STPG2: variants seen among roughly 807,000 people sequenced by gnomAD.
STPG2 encodes sperm-tail PG-rich repeat-containing protein 2.
In STPG2, 56 loss-of-function variants were observed where a neutral mutation model predicts 54.2. That is an observed-to-expected ratio of 1.03 (90% confidence interval 0.83 to 1.29). The LOEUF is 1.29. STPG2 is among the 50% of genes most tolerant of loss of function. STPG2 has a pLI of 0.00. For synonymous variants in STPG2, 200 were observed against 181.8 expected, an observed-to-expected ratio of 1.10 and a Z score of -0.81; for missense variants, 596 against 544.9, an observed-to-expected ratio of 1.09 and a Z score of -0.93.
chr4:97,830,937 C>A (rs1015206995), intron 9 of STPG2, among the ~76,000 whole-genome samples: 4 of 152,080 alleles, frequency 2.6e-5, no homozygotes, highest in African/African-American at 9.7e-5. Flanking sequence ...GACTTTAACA[C>A]CCCACTGTCA....
chr4:97,617,146 G>GTA (rs1733895194), intron 10 of STPG2, among the ~76,000 whole-genome samples: 1 of 151,848 alleles, frequency 6.6e-6, no homozygotes, highest in Non-Finnish European at 1.5e-5. Flanking sequence ...GTGTGTGTGT[G>GTA]TGTATGTAAA....
At chr4:97,939,538 C>A (rs572483861) in intron 8 of STPG2, among the ~76,000 whole-genome samples, 1 of 152,272 alleles carries the variant, frequency 6.6e-6, no homozygotes, top group East Asian at 1.9e-4. Context: ...GAATTGAAAC[C>A]TTTACCATTA....
intron 5 of STPG2, among the ~76,000 whole-genome samples, chr4:97,988,977 G>GA (rs1233180937): frequency 6.6e-5 from 10 of 151,600 alleles, no homozygotes; most frequent in East Asian, 5.8e-4. Flanking sequence ...ATAATAATTT[G>GA]AAAAAAAATT....
At chr4:97,538,985 C>G (rs1240807779) in intron 4 of STPG2, among the ~76,000 whole-genome samples, 1 of 152,134 alleles carries the variant, frequency 6.6e-6, no homozygotes, top group Non-Finnish European at 1.5e-5. Flanking sequence ...TACAGATAAG[C>G]AAATGCTGAG....
At chr4:97,951,045 CAACT>C (rs1033441403) in intron 7 of STPG2, among the ~76,000 whole-genome samples, 7 of 152,146 alleles carry the variant, frequency 4.6e-5, no homozygotes, top group African/African-American at 1.7e-4. Flanking sequence ...CCATCCAGAT[CAACT>C]AACTGGTTTA....
intron 10 of STPG2, among the ~76,000 whole-genome samples, chr4:97,678,768 C>T (rs865891700): frequency 6.7e-6 from 1 of 150,318 alleles, no homozygotes; most frequent in Middle Eastern, 3.4e-3. Flanking sequence ...AATGCTATCC[C>T]TCCACCCTCC....
chr4:97,505,884 G>C (rs1189860763), intron 4 of STPG2, among the ~76,000 whole-genome samples: 1 of 151,368 alleles, frequency 6.6e-6, no homozygotes, highest in Non-Finnish European at 1.5e-5. Context: ...TGGATATTTA[G>C]TTGTACAATG....
At chr4:97,496,925 T>C (rs1161087022) in intron 4 of STPG2, among the ~76,000 whole-genome samples, 1 of 151,468 alleles carries the variant, frequency 6.6e-6, no homozygotes, top group Non-Finnish European at 1.5e-5. Flanking sequence ...AAAGAGAAAA[T>C]AATATCCATA....
chr4:98,114,701 T>G (rs1350949877), intron 3 of STPG2, among the ~76,000 whole-genome samples: 1 of 137,720 alleles, frequency 7.3e-6, no homozygotes, highest in Non-Finnish European at 1.6e-5. Flanking sequence ...GGAAAGATTA[T>G]GTATGTGTAC....
intron 8 of STPG2, among the ~76,000 whole-genome samples, chr4:97,924,988 G>C (rs1328320377): frequency 2.0e-5 from 3 of 152,140 alleles, no homozygotes; most frequent in African/African-American, 7.2e-5. Flanking sequence ...ATTTGTTGTT[G>C]TTCATTCTAA....
At chr4:97,559,590 A>C (rs1229027845) in intron 10 of STPG2, among the ~76,000 whole-genome samples, 4 of 152,190 alleles carry the variant, frequency 2.6e-5, no homozygotes, top group Non-Finnish European at 5.9e-5. Context: ...AGCTTCAATT[A>C]ATTTCCAGGC....
At chr4:97,525,866 A>G (rs537042083) in intron 4 of STPG2, among the ~76,000 whole-genome samples, 1 of 152,164 alleles carries the variant, frequency 6.6e-6, no homozygotes, top group East Asian at 1.9e-4. Context: ...TGTTGGCTGC[A>G]TAAATGTCTT....
intron 4 of STPG2, among the ~76,000 whole-genome samples, chr4:97,485,030 C>T (rs1160472684): frequency 6.6e-6 from 1 of 151,576 alleles, no homozygotes; most frequent in African/African-American, 2.4e-5. Flanking sequence ...AAACTCTCAG[C>T]AAAATCAGCA....
chr4:97,474,114 T>G (rs1359723855), intron 4 of STPG2, among the ~76,000 whole-genome samples: 2 of 152,070 alleles, frequency 1.3e-5, no homozygotes, highest in African/African-American at 2.4e-5. Context: ...TCAATGTAGG[T>G]TTATTGATTA....
intron 9 of STPG2, among the ~76,000 whole-genome samples, chr4:97,749,748 G>T (rs547573636): frequency 2.4e-4 from 36 of 151,832 alleles, no homozygotes; most frequent in African/African-American, 8.2e-4. Flanking sequence ...AAACATAAGA[G>T]ACTATTTTGT....
chr4:98,092,003 A>G (rs1738708778), intron 5 of STPG2, among the ~76,000 whole-genome samples: 1 of 152,038 alleles, frequency 6.6e-6, no homozygotes, highest in South Asian at 2.1e-4. Context: ...TACACATCTT[A>G]AAATTTTACC....
chr4:97,921,394 G>A (rs956391644), intron 8 of STPG2, among the ~76,000 whole-genome samples: 6 of 151,986 alleles, frequency 3.9e-5, no homozygotes, highest in Non-Finnish European at 8.8e-5. Context: ...AGAGAACACA[G>A]ACAACTAAGC....
At chr4:97,558,421 A>T (rs2148871969), downstream of STPG2, among the ~76,000 whole-genome samples, 1 of 152,320 alleles carries the variant, frequency 6.6e-6, no homozygotes, top group South Asian at 2.1e-4. Flanking sequence ...GAAAAAGGTG[A>T]ATAGGATCTC....
At chr4:97,547,693 G>T (rs1356122995) in intron 4 of STPG2, among the ~76,000 whole-genome samples, 1 of 152,126 alleles carries the variant, frequency 6.6e-6, no homozygotes, top group Non-Finnish European at 1.5e-5. Context: ...ATAGATAGAA[G>T]CAGACAAACT....
Sources: allele counts gnomAD v4.1 joint callset (sites outside exome capture counted in the v4.1 genomes callset), GRCh38; gene constraint gnomAD v4.1.1; transcripts MANE v1.5; gene names NCBI Gene and HGNC (gene_info 2026-07-23, HGNC 2026-07-21).